The following SLC25A16 variants were observed in gnomAD, a reference collection of about 807,000 sequenced individuals.
SLC25A16 encodes solute carrier family 25 member 16, also known as mitochondrial coenzyme A transporter SLC25A16.
Under a neutral mutation model 41.5 loss-of-function variants are expected in SLC25A16, and 39 were observed. The observed-to-expected ratio is 0.94, with a 90% CI of 0.73 to 1.23. The LOEUF (loss-of-function observed/expected upper bound fraction) is 1.23. SLC25A16 is among the 50% of genes most tolerant of loss of function. SLC25A16 has a pLI of 0.00. For synonymous variants in SLC25A16, 146 were observed against 147.8 expected (o/e 0.99, Z 0.09); for missense variants, 421 against 426.9 (o/e 0.99, Z 0.12).
intron 6 of SLC25A16, among the ~76,000 whole-genome samples, chr10:68,490,638 G>A (rs930870905): frequency 2.0e-5 from 3 of 151,734 alleles, no homozygotes; most frequent in Non-Finnish European, 4.4e-5. Context: ...CACTGTACCC[G>A]GCCAGGGAAG....
chr10:68,527,452 T>C lies in SLC25A16; in HGVS notation c.-77A>G, dbSNP rs1590135582. On this transcript the variant is annotated 5_prime_UTR_variant, in exon 1 of 9. Transcript: ENST00000609923. ...ACGGGACCATAGCCGGAACAGGCGG[T>C]GACAGGAGGCTGACCGCCCCGCCGG... 2.6e-5 allele frequency: 35 copies of C among 1,366,836 alleles called. No individual in the cohort carries two copies. The East Asian group carries it at 1.0e-3, about 40-fold the overall frequency. 84.7% of individuals were successfully genotyped at this position (1,366,836 alleles called of 1,614,324 possible).
chr10:68,486,081 G>A lies in SLC25A16; in HGVS notation c.842+1063C>T, dbSNP rs1446784851. Among the ~76,000 whole-genome samples, 5 of 151,300 alleles carry A rather than the reference G, an allele frequency of 3.3e-5. No individual in the cohort carries two copies. The South Asian group carries it at 8.3e-4, about 25-fold the overall frequency. On this transcript the variant is annotated intron_variant, in intron 8 of 8. Coordinates refer to ENST00000609923, the MANE Select transcript of SLC25A16 (RefSeq NM_152707.4). ...AAAAATACAAAAATTAGCCAGGCGT[G>A]GTGGCAGGTACCTGTAATCCCAGGT...
At chr10:68,501,749 A>T (rs543339156) in intron 4 of SLC25A16, among the ~76,000 whole-genome samples, 32 of 151,936 alleles carry the variant, frequency 2.1e-4, no homozygotes, top group Non-Finnish European at 4.1e-4. Flanking sequence ...GCAAGACTCC[A>T]TCTCTAAAAT....
At chr10:68,516,549 A>C (rs1352655194) in intron 2 of SLC25A16, among the ~76,000 whole-genome samples, 1 of 152,230 alleles carries the variant, frequency 6.6e-6, no homozygotes, top group Non-Finnish European at 1.5e-5. Context: ...ATGGCTAGCA[A>C]ATATTTAAGA....
chr10:68,526,583 C>G (rs1297035979), intron 1 of SLC25A16, among the ~76,000 whole-genome samples: 1 of 152,110 alleles, frequency 6.6e-6, no homozygotes, highest in Non-Finnish European at 1.5e-5. Context: ...CTAAGTCTCT[C>G]GTTCCACCTT....
At chr10:68,505,205 C>T (rs752736475) in intron 3 of SLC25A16, among the ~76,000 whole-genome samples, 39 of 151,926 alleles carry the variant, frequency 2.6e-4, no homozygotes, top group Admixed American at 1.3e-3. Flanking sequence ...ACAAATTAGC[C>T]GGGGGTGGTG....
chr10:68,496,623 T>C, intron 4 of SLC25A16: 1 of 983,342 alleles, frequency 1.0e-6, no homozygotes, highest in Non-Finnish European at 1.2e-6. Flanking sequence ...GACATAAAGA[T>C]AAATCTAAAC....
chr10:68,521,083 G>A (rs1166886842), intron 1 of SLC25A16, among the ~76,000 whole-genome samples: 1 of 151,076 alleles, frequency 6.6e-6, no homozygotes, highest in African/African-American at 2.4e-5. Flanking sequence ...GCAGTGAGCC[G>A]AGATCGCGCC....
intron 1 of SLC25A16, chr10:68,517,756 G>A (rs1254907227): frequency 6.6e-6 from 1 of 152,078 alleles, no homozygotes; most frequent in African/African-American, 2.4e-5. Flanking sequence ...ATCTCCTGAG[G>A]TCAGGAGCTC....
intron 4 of SLC25A16, among the ~76,000 whole-genome samples, chr10:68,501,358 G>C (rs1178798275): frequency 6.6e-6 from 1 of 152,042 alleles, no homozygotes; most frequent in African/African-American, 2.4e-5. Context: ...TCATAATATT[G>C]TCCTGTGGAC....
At chr10:68,511,901 G>A (rs1393889477) in intron 2 of SLC25A16, among the ~76,000 whole-genome samples, 1 of 151,762 alleles carries the variant, frequency 6.6e-6, no homozygotes, top group Non-Finnish European at 1.5e-5. Context: ...CTATCGCCCA[G>A]GCTGGAGTAC....
At position 68,480,906 on chromosome 10, in the gene SLC25A16, T is replaced by C. The variant is rs990586454; in HGVS notation, c.*2526A>G. The C allele has an allele frequency of 2.5e-4, 36 of 143,378 alleles. No homozygotes were observed. The highest frequency in any genetic ancestry group is 8.9e-4 in the African/African-American group (33 of 37,038). 8.9% of individuals were successfully genotyped at this position (143,378 alleles called of 1,614,324 possible). Reference sequence around the variant, plus strand: ...ATGGTTTTAAGAACACATGTATTTCTTTTTTTTTTCTTTTATACAGTCTCT... The same window carrying C: ...ATGGTTTTAAGAACACATGTATTTCCTTTTTTTTTCTTTTATACAGTCTCT... On this transcript the variant is annotated 3_prime_UTR_variant, in exon 9 of 9. Transcript: ENST00000609923.
chr10:68,509,364 G>A (rs951867836), intron 2 of SLC25A16, among the ~76,000 whole-genome samples: 4 of 151,492 alleles, frequency 2.6e-5, no homozygotes, highest in African/African-American at 9.7e-5. Context: ...TTGGGACAAG[G>A]AGAAATTTTT....
intron 6 of SLC25A16, among the ~76,000 whole-genome samples, chr10:68,490,438 G>A (rs2052637657): frequency 6.6e-6 from 1 of 151,962 alleles, no homozygotes; most frequent in African/African-American, 2.4e-5. Context: ...CGCCTCCTGG[G>A]TTCAAGCGAT....
At chr10:68,511,775 C>T (rs935247401) in intron 2 of SLC25A16, among the ~76,000 whole-genome samples, 2 of 152,096 alleles carry the variant, frequency 1.3e-5, no homozygotes, top group Non-Finnish European at 2.9e-5. Flanking sequence ...TCACTGCAGA[C>T]TCAAATGCTT....
chr10:68,488,459 A>G lies in SLC25A16; in HGVS notation c.773+8T>C. 1 of 1,482,688 alleles carries G rather than the reference A, an allele frequency of 6.7e-7. No homozygotes were observed. The highest frequency in any genetic ancestry group is 1.4e-5 in the South Asian group (1 of 70,116). The allele number at this position is 1,482,688 out of a possible 1,614,324, so 91.8% of individuals were successfully genotyped here. A position where few individuals can be genotyped will look rare whatever the true frequency, so the allele number is the denominator to read the frequency against. On this transcript the variant is annotated splice_region_variant and intron_variant, in intron 7 of 8. Transcript: ENST00000609923. The stretch of plus-strand genomic sequence containing the variant: ...ATTTGATTAAATTAAGTTAGTGAAG[A>G]AACTTACGATATTGTCTGCGCTATT...
chr10:68,496,677 C>A (rs2052754275), intron 4 of SLC25A16: 1 of 966,956 alleles, frequency 1.0e-6, no homozygotes, highest in Non-Finnish European at 1.2e-6. Context: ...CTTACTGTCT[C>A]TACAGTCTAG....
chr10:68,494,497 A>AGGGAGGGGAGGAGAGAT (rs1554916495), intron 4 of SLC25A16, among the ~76,000 whole-genome samples: 1,193 of 33,706 alleles, frequency 0.035, 28 homozygotes, highest in African/African-American at 0.11. Context: ...GAAGGGGAGG[A>AGGGAGGGGAGGAGAGAT]GGGAGGGGAG....
chr10:68,489,753 T>C (rs2052625398), intron 6 of SLC25A16, among the ~76,000 whole-genome samples: 1 of 151,652 alleles, frequency 6.6e-6, no homozygotes, highest in Non-Finnish European at 1.5e-5. Flanking sequence ...ATACAAATAT[T>C]AGCTGGGTGT....
Sources: gnomAD v4.1 joint callset for allele counts (sites outside exome capture counted in the v4.1 genomes callset) on GRCh38, gnomAD v4.1.1 for gene constraint, MANE v1.5 for transcripts, NCBI Gene and HGNC (gene_info 2026-07-23, HGNC 2026-07-21) for gene names.